MAST1: variants seen among roughly 807,000 people sequenced by gnomAD.
MAST1 encodes microtubule-associated serine/threonine-protein kinase 1.
A neutral mutation model predicts 124.6 loss-of-function variants in MAST1; 40 were observed. That is an observed-to-expected ratio of 0.32 (90% CI 0.25 to 0.42). The LOEUF (loss-of-function observed/expected upper bound fraction) is 0.42. Among genes scored for constraint, MAST1 ranks in the 10% least tolerant of loss-of-function variants. MAST1 has a pLI of 1.00. For missense variants in MAST1, 1,558 were observed against 2,181.9 expected (o/e 0.71, Z 5.70); for synonymous variants, 938 against 939.4 (o/e 1.00, Z 0.03).
At chr19:12,871,962 C>A (rs1970241233) in intron 24 of MAST1, among the ~76,000 whole-genome samples, 1 of 149,290 alleles carries the variant, frequency 6.7e-6, no homozygotes, top group Non-Finnish European at 1.5e-5. Flanking sequence ...GTGGAAGGAG[C>A]CAAGAATGGA....
chr19:12,871,252 G>T (rs1970230485), intron 24 of MAST1, 80 bp downstream of exon 24: 5 of 1,581,918 alleles, frequency 3.2e-6, no homozygotes, highest in Non-Finnish European at 4.3e-6. Context: ...GGATGGAGAA[G>T]GGAAGAGCAC....
intron 22 of MAST1, among the ~76,000 whole-genome samples, chr19:12,870,247 T>C (rs1970214534): frequency 6.8e-6 from 1 of 146,608 alleles, no homozygotes; most frequent in South Asian, 2.2e-4. Context: ...CCCGGCACTT[T>C]GGGAGGCCGA....
intron 10 of MAST1, among the ~76,000 whole-genome samples, chr19:12,854,776 G>C (rs559105386): frequency 2.0e-5 from 3 of 152,256 alleles, no homozygotes; most frequent in Non-Finnish European, 4.4e-5. Flanking sequence ...ATGGGCTTTC[G>C]AGCAAGCTAA....
chr19:12,847,551 C>T lies in MAST1; in HGVS notation c.489-61C>T. Reference sequence around the variant, plus strand: ...CGAATAAAAGGGTTACATCTTGGGGCGGGGGCTCTCTGCGGGCTTGGAGGC... The same window carrying T: ...CGAATAAAAGGGTTACATCTTGGGGTGGGGGCTCTCTGCGGGCTTGGAGGC... On this transcript the variant is annotated intron_variant, in intron 5 of 25. Coordinates refer to ENST00000251472, the MANE Select transcript of MAST1 (RefSeq NM_014975.3). This position sits in a 1 kb window ranked among gnomAD's most constrained non-coding sequence, Gnocchi z 5.5. The T allele has an allele frequency of 1.2e-6, 2 of 1,612,870 alleles. No homozygotes were observed. Among genetic ancestry groups the T allele is most frequent in the East Asian group, 2.2e-5 (1 of 44,854 alleles).
chr19:12,866,874 T>C lies in MAST1; in HGVS notation c.2139+112T>C. On this transcript the variant is annotated intron_variant, in intron 18 of 25. Transcript: ENST00000251472. The surrounding 1 kb of genome is among the most constrained non-coding windows in gnomAD (Gnocchi z 5.2). ...CAAGGTCTCAGGAGCGGGAAGTTAT[T>C]GATGGGGCGGGAGTCTGGAAGGTGG... 1.1e-6 allele frequency: 1 copy of C among 888,734 alleles called. No individual in the cohort carries two copies. Among genetic ancestry groups the C allele is most frequent in the Non-Finnish European group, 1.8e-6 (1 of 564,952 alleles). 55.1% of individuals were successfully genotyped at this position (888,734 alleles called of 1,614,324 possible). A position where few individuals can be genotyped will look rare whatever the true frequency, so the allele number is the denominator to read the frequency against.
intron 7 of MAST1, chr19:12,848,863 C>A (rs919659116): frequency 1.3e-5 from 2 of 152,060 alleles, no homozygotes; most frequent in African/African-American, 4.8e-5. Context: ...GAGGCAGAGG[C>A]GGGAGAATCG....
At chr19:12,845,516 G>A (rs1298915554) in intron 4 of MAST1, among the ~76,000 whole-genome samples, 1 of 151,474 alleles carries the variant, frequency 6.6e-6, no homozygotes, top group Non-Finnish European at 1.5e-5. Flanking sequence ...CCCAGGAGGT[G>A]GGGGTTGCAG....
At chr19:12,849,362 A>T (rs115448895) in intron 7 of MAST1, among the ~76,000 whole-genome samples, 3,770 of 152,234 alleles carry the variant, frequency 0.025, 147 homozygotes, top group African/African-American at 0.086. Flanking sequence ...CCCCATCTCT[A>T]AAACAATTTA....
At chr19:12,870,663 CA>C (rs35890154) in intron 22 of MAST1, among the ~76,000 whole-genome samples, 160 bp from the exon 23 acceptor site, 1,777 of 128,848 alleles carry the variant, frequency 0.014, 28 homozygotes, top group African/African-American at 0.046. Context: ...AGACTCCGTC[CA>C]AAAAAAAAAA....
intron 12 of MAST1, among the ~76,000 whole-genome samples, chr19:12,861,218 A>T (rs980817768): frequency 6.6e-6 from 1 of 151,960 alleles, no homozygotes; most frequent in African/African-American, 2.4e-5. Context: ...CGCCTCCACC[A>T]TGCCCAGCTG....
At position 12,867,861 on chromosome 19, in the gene MAST1, C is replaced by A. The variant is rs374886904; in HGVS notation, c.2450C>A (p.Ala817Asp). The A allele has an allele frequency of 1.2e-6, 2 of 1,606,674 alleles. No individual in the cohort carries two copies. The highest frequency in any genetic ancestry group is 1.7e-6 in the Non-Finnish European group (2 of 1,177,314). The part of the protein sequence containing the change: ...FSAPQEDEDE[A>D]RLRRPPRPSS... ...GCCCCCCAAGAGGACGAGGATGAGGCCCGGCTGCGCAGGCCTCCCCGGCCC... is the reference window on the plus strand; with the variant it reads ...GCCCCCCAAGAGGACGAGGATGAGGACCGGCTGCGCAGGCCTCCCCGGCCC... Residue 817 changes from alanine (A) to aspartate (D), a missense_variant, in exon 20 of 26, where the codon GCC becomes GAC. By Grantham distance (126) the Ala-to-Asp change is moderately radical. Transcript: ENST00000251472.
intron 10 of MAST1, among the ~76,000 whole-genome samples, chr19:12,854,883 G>A (rs2145898012): frequency 6.6e-6 from 1 of 152,266 alleles, no homozygotes; most frequent in Middle Eastern, 3.4e-3. Context: ...ATGTCTAGTG[G>A]AGAGTCCTAC....
Position 12,865,289 on chromosome 19 carries a change from G to A in MAST1, c.1639-27G>A, listed in dbSNP as rs1300221837. ...TCCCTTGAGGGCCCTCCTCTGGCTG[G>A]GGCGTGGGCTGACAGCCTGCCCCCA... On this transcript the variant is annotated intron_variant, in intron 14 of 25. Transcript: ENST00000251472. The surrounding 1 kb of genome is among the most constrained non-coding windows in gnomAD (Gnocchi z 7.1). 38 of 1,577,388 alleles carry A rather than the reference G, an allele frequency of 2.4e-5. No individual in the cohort carries two copies. Among genetic ancestry groups the A allele is most frequent in the Non-Finnish European group, 3.3e-5 (38 of 1,161,630 alleles).
intron 4 of MAST1, among the ~76,000 whole-genome samples, chr19:12,845,506 C>G (rs560856443): frequency 6.6e-6 from 1 of 150,828 alleles, no homozygotes; most frequent in Admixed American, 6.6e-5. Flanking sequence ...ATTGCTCGAG[C>G]CCAGGAGGTG....
rs759481747 is a variant in MAST1, at chr19:12,874,325, C to A, written c.4168C>A (p.Arg1390=). The change falls in exon 26 of 26, where the codon CGG becomes AGG. Residue 1390 remains arginine (R), a synonymous_variant. Coordinates refer to ENST00000251472, the MANE Select transcript of MAST1 (RefSeq NM_014975.3). The surrounding 1 kb of genome is among the most constrained non-coding windows in gnomAD (Gnocchi z 6.6). ...CCTGGAGCGGGACGTCGGCTGCACGCGGCATCAGAGCGTGCAGACGGAGGA... is the reference window on the plus strand; with the variant it reads ...CCTGGAGCGGGACGTCGGCTGCACGAGGCATCAGAGCGTGCAGACGGAGGA... ...RTLERDVGCT[R]HQSVQTEDGT... 5 of 1,595,252 alleles carry A rather than the reference C, an allele frequency of 3.1e-6. No homozygotes were observed. The highest frequency in any genetic ancestry group is 4.2e-6 in the Non-Finnish European group (5 of 1,177,256).
Position 12,873,756 on chromosome 19 carries a change from G to T in MAST1, c.3599G>T (p.Gly1200Val). The T allele has an allele frequency of 6.2e-7, 1 of 1,601,386 alleles. No homozygotes were observed. The highest frequency in any genetic ancestry group is 8.5e-7 in the Non-Finnish European group (1 of 1,179,206). The change falls in exon 26 of 26, where the codon GGC becomes GTC. Residue 1200 changes from glycine (G) to valine (V), a missense_variant. By Grantham distance (109) the Gly-to-Val change is moderately radical. Around this residue, in one of 10 missense-constraint regions of MAST1, gnomAD observed 291 missense variants for 475.8 expected, o/e 0.61. Coordinates refer to ENST00000251472, the MANE Select transcript of MAST1 (RefSeq NM_014975.3). ...QYRSARCKSA[G>V]NIPLSPLAHT... is the part of the protein sequence containing the mutation. Reference sequence around the variant, plus strand: ...CGCTCTGCGCGATGCAAGTCGGCCGGCAACATCCCTCTATCGCCGCTGGCA... The same window carrying T: ...CGCTCTGCGCGATGCAAGTCGGCCGTCAACATCCCTCTATCGCCGCTGGCA...
Position 12,867,871 on chromosome 19 carries a change from C to G in MAST1, c.2460C>G (p.Arg820=). Residue 820 remains arginine, a synonymous_variant, in exon 20 of 26, where the codon CGC becomes CGG. Transcript: ENST00000251472. ...PQEDEDEARL[R]RPPRPSSDPA... ...AGGACGAGGATGAGGCCCGGCTGCG[C>G]AGGCCTCCCCGGCCCAGCTCCGACC... 1 of 1,607,086 alleles carries G rather than the reference C, an allele frequency of 6.2e-7. No individual in the cohort carries two copies. The highest frequency in any genetic ancestry group is 8.5e-7 in the Non-Finnish European group (1 of 1,177,248).
chr19:12,839,372 T>TCC (rs1161709417), intron 1 of MAST1, among the ~76,000 whole-genome samples: 1 of 152,096 alleles, frequency 6.6e-6, no homozygotes, highest in Non-Finnish European at 1.5e-5. Flanking sequence ...TACATGGCGA[T>TCC]CCACACACAC....
intron 10 of MAST1, among the ~76,000 whole-genome samples, chr19:12,857,240 T>C (rs1254402421): frequency 6.6e-6 from 1 of 151,846 alleles, no homozygotes; most frequent in East Asian, 1.9e-4. Context: ...TGTGCCATCA[T>C]GCCCAGCTGA....
Sources: gnomAD v4.1 joint callset for allele counts (sites outside exome capture counted in the v4.1 genomes callset) on GRCh38, gnomAD v4.1.1 for gene constraint, gnomAD v4.1.1 regional missense constraint, Gnocchi (gnomAD v3.1) non-coding constraint, MANE v1.5 for transcripts, NCBI Gene and HGNC (gene_info 2026-07-23, HGNC 2026-07-21) for gene names.